Variants in MAB21L3 observed in about 807,000 individuals in gnomAD.
MAB21L3 encodes protein mab-21-like 3.
Under a neutral mutation model 37.7 loss-of-function variants are expected in MAB21L3, and 36 were observed. That is an observed-to-expected ratio of 0.96 (90% CI 0.73 to 1.26). The LOEUF is 1.26. Among genes scored for constraint, MAB21L3 ranks in the 50% most tolerant of loss-of-function variants. The pLI, the probability that MAB21L3 is intolerant of heterozygous loss-of-function variation, is 0.00. For synonymous variants in MAB21L3, 186 were observed against 176.8 expected (o/e 1.05, Z -0.41); for missense variants, 430 against 447.3 (o/e 0.96, Z 0.35).
chr1:116,116,761 A>C (rs1414599351), intron 3 of MAB21L3, among the ~76,000 whole-genome samples: 1 of 152,192 alleles, frequency 6.6e-6, no homozygotes, highest in Non-Finnish European at 1.5e-5. Context: ...TCTAAGTTGC[A>C]GCAGAAGTGA....
In MAB21L3 at chr1:116,124,165, G is replaced by A. The variant is rs146753253; in HGVS notation, c.289G>A (p.Gly97Ser). ...GCACTGGCGGTACTACACACTGCAG[G>A]GCACCAGGCTGCCCTGCCCGTTGCG... ...EQHWRYYTLQ[G>S]TRLPCPLRDP... The change falls in exon 5 of 8, where the codon GGC (glycine) becomes AGC (serine). Residue 97 changes from glycine to serine, a missense_variant. Gly to Ser is a moderately conservative substitution (Grantham distance 56, BLOSUM62 0). Transcript: ENST00000369500. The A allele has an allele frequency of 4.3e-6, 7 of 1,614,086 alleles. No homozygotes were observed. The South Asian group carries it at 4.4e-5, about 10-fold the overall frequency.
At chr1:116,116,088 C>T (rs1381778661) in intron 3 of MAB21L3, among the ~76,000 whole-genome samples, 2 of 152,208 alleles carry the variant, frequency 1.3e-5, no homozygotes, top group Non-Finnish European at 1.5e-5. Context: ...GATCACTGTA[C>T]AGCTGCCCCA....
chr1:116,128,776 A>G (rs1659985164), intron 7 of MAB21L3, among the ~76,000 whole-genome samples: 1 of 152,250 alleles, frequency 6.6e-6, no homozygotes, highest in Non-Finnish European at 1.5e-5. Context: ...CAGCCTACGC[A>G]CACCTCCTCA....
rs1056254491 is a variant in MAB21L3 at position 116,133,657 on chromosome 1, A to G, written c.*292A>G. The G allele has an allele frequency of 4.5e-5, 22 of 484,578 alleles. No homozygotes were observed. The highest frequency in any genetic ancestry group is 9.7e-5 in the African/African-American group (5 of 51,484). The allele number at this position is 484,578 out of a possible 1,614,324, so 30.0% of individuals were successfully genotyped here. A position where few individuals can be genotyped will look rare whatever the true frequency, so the allele number is the denominator to read the frequency against. The stretch of plus-strand genomic sequence containing the variant: ...TGGAACTGGTGACAGTTCTGAACTT[A>G]GTTTCCCTTGTTCAGGCTGTGATCG... On this transcript the variant is annotated 3_prime_UTR_variant, in exon 8 of 8. Coordinates refer to ENST00000369500, the MANE Select transcript of MAB21L3 (RefSeq NM_152367.3).
chr1:116,127,095 G>A (rs1659928467), intron 5 of MAB21L3, among the ~76,000 whole-genome samples: 1 of 152,190 alleles, frequency 6.6e-6, no homozygotes, highest in Non-Finnish European at 1.5e-5. Flanking sequence ...AAGTCAAGGA[G>A]CATCTATACT....
At chr1:116,124,459 G>T in intron 5 of MAB21L3, 102 bp downstream of exon 5, 1 of 1,080,228 alleles carries the variant, frequency 9.3e-7, no homozygotes, top group Admixed American at 2.7e-5. Context: ...GCCTACATTT[G>T]AGAAAATAAT....
chr1:116,127,354 C>T (rs1362537857), intron 5 of MAB21L3, 112 bp from the exon 6 acceptor site: 12 of 1,014,514 alleles, frequency 1.2e-5, no homozygotes, highest in Non-Finnish European at 1.8e-5. Context: ...TGAAAGTTGC[C>T]ACACCAGTTG....
intron 5 of MAB21L3, among the ~76,000 whole-genome samples, chr1:116,125,923 T>C (rs1479988642): frequency 3.3e-5 from 5 of 152,208 alleles, no homozygotes; most frequent in Admixed American, 3.3e-4. Context: ...TCACCTCTTA[T>C]GCTGTGCGAC....
intron 3 of MAB21L3, among the ~76,000 whole-genome samples, chr1:116,114,268 CT>C (rs1407745439): frequency 2.6e-5 from 4 of 152,060 alleles, no homozygotes; most frequent in African/African-American, 4.8e-5. Flanking sequence ...CCTTTCTTTC[CT>C]TTGACATTCA....
At chr1:116,120,572 T>C (rs1445293488) in intron 3 of MAB21L3, among the ~76,000 whole-genome samples, 1 of 151,332 alleles carries the variant, frequency 6.6e-6, no homozygotes, top group Non-Finnish European at 1.5e-5. Context: ...TAATATAGTA[T>C]GTATTATATC....
intron 4 of MAB21L3, among the ~76,000 whole-genome samples, chr1:116,122,488 A>G (rs1659779741): frequency 6.6e-6 from 1 of 152,268 alleles, no homozygotes. Flanking sequence ...TTAAGTTTTG[A>G]AAATAGCTAC....
In MAB21L3 at chr1:116,112,457, C is replaced by G. The variant is rs1021308453; in HGVS notation, c.-159C>G. The G allele has an allele frequency of 3.7e-6, 2 of 542,198 alleles. No individual in the cohort carries two copies. The highest frequency in any genetic ancestry group is 5.9e-5 in the Admixed American group (2 of 34,096). The allele number at this position is 542,198 out of a possible 1,614,324, so 33.6% of individuals were successfully genotyped here. On this transcript the variant is annotated 5_prime_UTR_variant, in exon 3 of 8. Transcript: ENST00000369500. ...GAAATAAAAACATGAGTGAAGGGTT[C>G]GGAAGGCAAGTCTCTGGTCCATTAC...
Position 116,135,727 on chromosome 1 carries a change from C to A in MAB21L3, c.*2362C>A, listed in dbSNP as rs1468793126. ...TGTTGAACATTGATGCAAAAATCCT[C>A]AGTAAAATTCTGGCAAACCGAATCC... is the stretch of plus-strand genomic sequence containing the variant. On this transcript the variant is annotated 3_prime_UTR_variant, in exon 8 of 8. Transcript: ENST00000369500. Among the ~76,000 whole-genome samples the A allele has an allele frequency of 1.3e-5, 2 of 152,194 alleles. No homozygotes were observed. The highest frequency in any genetic ancestry group is 1.3e-4 in the Admixed American group (2 of 15,284).
At position 116,133,350 on chromosome 1, in the gene MAB21L3, G is replaced by A; in HGVS notation, c.1074G>A (p.Gln358=). Residue 358 remains glutamine, a synonymous_variant, in exon 8 of 8, where the codon CAG becomes CAA. Transcript: ENST00000369500. The part of the protein sequence containing the change: ...QKLATFLKNP[Q]IGPP ...TGGCCACCTTCCTGAAGAACCCCCAGATCGGCCCGCCCTGATGGTTGCCCC... is the reference window on the plus strand; with the variant it reads ...TGGCCACCTTCCTGAAGAACCCCCAAATCGGCCCGCCCTGATGGTTGCCCC... The A allele has an allele frequency of 6.2e-7, 1 of 1,614,174 alleles. No homozygotes were observed. Among genetic ancestry groups the A allele is most frequent in the South Asian group, 1.1e-5 (1 of 91,082 alleles).
Sources: gnomAD v4.1 joint callset for allele counts (sites outside exome capture counted in the v4.1 genomes callset) on GRCh38, gnomAD v4.1.1 for gene constraint, MANE v1.5 for transcripts, NCBI Gene and HGNC (gene_info 2026-07-23, HGNC 2026-07-21) for gene names.